The following BFSP2 variants were observed in gnomAD, a reference collection of about 807,000 sequenced individuals.
The protein encoded by BFSP2 is beaded filament structural protein 2.
Under a neutral mutation model 44.9 loss-of-function variants are expected in BFSP2, and 38 were observed. The observed-to-expected ratio is 0.85, with a 90% CI of 0.65 to 1.11. The LOEUF (loss-of-function observed/expected upper bound fraction) is 1.11, where lower values mean the gene tolerates loss of function less well. BFSP2 is among the 50% of genes least tolerant of loss of function. BFSP2 has a pLI of 0.00. For synonymous variants in BFSP2, 197 were observed against 209.9 expected (o/e 0.94, Z 0.53); for missense variants, 525 against 533.0 (o/e 0.99, Z 0.15).
chr3:133,461,738 G>A (rs1329610226), intron 4 of BFSP2, among the ~76,000 whole-genome samples: 1 of 152,218 alleles, frequency 6.6e-6, no homozygotes, highest in Non-Finnish European at 1.5e-5. Context: ...ATCTCTTGTG[G>A]TGAGATGATT....
At chr3:133,471,237 G>A (rs971357170) in intron 5 of BFSP2, among the ~76,000 whole-genome samples, 1 of 152,210 alleles carries the variant, frequency 6.6e-6, no homozygotes, top group Non-Finnish European at 1.5e-5. Context: ...TAGAGGTGGG[G>A]AGATGAGCTA....
At chr3:133,440,508 G>A (rs1311781561) in intron 1 of BFSP2, among the ~76,000 whole-genome samples, 1 of 152,124 alleles carries the variant, frequency 6.6e-6, no homozygotes, top group African/African-American at 2.4e-5. Context: ...ATAAATGGTA[G>A]GGTTTAAACC....
intron 1 of BFSP2, among the ~76,000 whole-genome samples, chr3:133,407,985 C>A (rs1445915947): frequency 4.0e-5 from 6 of 151,328 alleles, no homozygotes; most frequent in African/African-American, 1.5e-4. Flanking sequence ...TGTTACAATT[C>A]AAAATACAAA....
chr3:133,404,577 C>A (rs2073388704), intron 1 of BFSP2, among the ~76,000 whole-genome samples: 1 of 152,192 alleles, frequency 6.6e-6, no homozygotes, highest in African/African-American at 2.4e-5. Context: ...TGGAGCGAGG[C>A]CTCTGGATGC....
chr3:133,474,898 G>C, intron 6 of BFSP2, 71 bp from the exon 7 acceptor site: 1 of 1,587,402 alleles, frequency 6.3e-7, no homozygotes, highest in Non-Finnish European at 8.7e-7. Context: ...CCCCTTTCTC[G>C]TAATCCTATT....
At chr3:133,414,778 A>AG (rs1559959335) in intron 1 of BFSP2, among the ~76,000 whole-genome samples, 5 of 6,410 alleles carry the variant, frequency 7.8e-4, no homozygotes, top group Non-Finnish European at 1.1e-3. Context: ...CCCTCTACTC[A>AG]CCCTGCCACC....
At position 133,447,325 on chromosome 3, in the gene BFSP2, G is replaced by A. The variant is rs1284280119; in HGVS notation, c.498G>A (p.Glu166=). The A allele has an allele frequency of 6.2e-7, 1 of 1,614,036 alleles. No individual in the cohort carries two copies. The highest frequency in any genetic ancestry group is 1.1e-5 in the South Asian group (1 of 91,072). The change falls in exon 2 of 7, where the codon GAG becomes GAA. Residue 166 remains glutamate (E), a synonymous_variant. Transcript: ENST00000302334. ...GTGTGTGATCGCTCTAGGTGGGTGA[G>A]GCAGTCTTGGAAAATGCCCGGCTCA... ...SWASSCQQVG[E]AVLENARLML... is the part of the protein sequence containing the mutation.
chr3:133,433,571 C>T (rs1051079887), intron 1 of BFSP2, among the ~76,000 whole-genome samples: 1 of 152,212 alleles, frequency 6.6e-6, no homozygotes, highest in Non-Finnish European at 1.5e-5. Context: ...TAGACACTTT[C>T]ACTGGATAGG....
intron 4 of BFSP2, among the ~76,000 whole-genome samples, chr3:133,452,738 T>G (rs2073976982): frequency 6.6e-6 from 1 of 152,156 alleles, no homozygotes; most frequent in African/African-American, 2.4e-5. Flanking sequence ...GCTGCATCGT[T>G]TCTCCCCTGG....
intron 6 of BFSP2, among the ~76,000 whole-genome samples, chr3:133,473,023 G>T (rs1467255308): frequency 6.6e-6 from 1 of 151,704 alleles, no homozygotes; most frequent in East Asian, 1.9e-4. Context: ...AAACCCCTGG[G>T]CTCAAGTGAT....
intron 1 of BFSP2, among the ~76,000 whole-genome samples, chr3:133,441,449 G>C (rs1349288718): frequency 6.6e-6 from 1 of 152,172 alleles, no homozygotes; most frequent in Non-Finnish European, 1.5e-5. Context: ...AGATGATTAG[G>C]ACTTGAACCA....
chr3:133,410,024 G>T, intron 1 of BFSP2: 1 of 181,944 alleles, frequency 5.5e-6, no homozygotes. Context: ...AATTCAACAG[G>T]ACGAAGTTGC....
chr3:133,474,355 G>A (rs2074195360), intron 6 of BFSP2, among the ~76,000 whole-genome samples: 1 of 152,236 alleles, frequency 6.6e-6, no homozygotes, highest in Non-Finnish European at 1.5e-5. Flanking sequence ...AGGAGGCGGA[G>A]ACAGCACTGG....
intron 1 of BFSP2, among the ~76,000 whole-genome samples, chr3:133,428,824 C>A (rs145894707): frequency 0.015 from 2,327 of 152,310 alleles, 25 homozygotes; most frequent in Non-Finnish European, 0.02. Context: ...CTCTGACCTG[C>A]CTTCTCCATC....
intron 1 of BFSP2, among the ~76,000 whole-genome samples, chr3:133,415,057 TGTCCTCTCCCCTCTACTTGCCCCA>T (rs1232883158): frequency 3.0e-5 from 4 of 131,174 alleles, no homozygotes; most frequent in Non-Finnish European, 4.8e-5. Context: ...TATTCACTCC[TGTCCTCTCCCCTCTACTTGCCCCA>T]GTCCTCTCCC....
intron 1 of BFSP2, among the ~76,000 whole-genome samples, chr3:133,444,960 A>G (rs74577810): frequency 0.015 from 2,274 of 152,164 alleles, 60 homozygotes; most frequent in African/African-American, 0.052. Flanking sequence ...GCTTCCCAGT[A>G]AATCTCAACT....
intron 6 of BFSP2, among the ~76,000 whole-genome samples, chr3:133,473,112 C>T (rs1266796498): frequency 6.6e-6 from 1 of 152,004 alleles, no homozygotes; most frequent in Non-Finnish European, 1.5e-5. Flanking sequence ...TTTTTAAATG[C>T]AGATTCTGCT....
chr3:133,464,731 G>T (rs954317523), intron 4 of BFSP2, among the ~76,000 whole-genome samples: 1 of 152,146 alleles, frequency 6.6e-6, no homozygotes, highest in Admixed American at 6.5e-5. Flanking sequence ...GCCTCACAGT[G>T]ACCACAGGAG....
chr3:133,462,413 G>A (rs1484040373), intron 4 of BFSP2, among the ~76,000 whole-genome samples: 4 of 152,152 alleles, frequency 2.6e-5, no homozygotes, highest in South Asian at 4.1e-4. Context: ...TAAATATCAC[G>A]GAAGCTGCTC....
Sources: gnomAD v4.1 joint callset for allele counts (sites outside exome capture counted in the v4.1 genomes callset) on GRCh38, gnomAD v4.1.1 for gene constraint, MANE v1.5 for transcripts, NCBI Gene and HGNC (gene_info 2026-07-23, HGNC 2026-07-21) for gene names.